The following DIS3L2 variants were observed in gnomAD, a reference collection of about 807,000 sequenced individuals.
The protein encoded by DIS3L2 is DIS3 like 3'-5' exoribonuclease 2.
DIS3L2 carries 34 observed loss-of-function variants against 97.5 expected under a neutral mutation model. The observed-to-expected ratio is 0.35, with a 90% CI of 0.27 to 0.46. The LOEUF is 0.46. Ranked by LOEUF, DIS3L2 falls within the 20% of genes least tolerant of loss-of-function variation. DIS3L2 has a pLI of 1.00. For synonymous variants in DIS3L2, 435 were observed against 445.2 expected, an observed-to-expected ratio of 0.98 and a Z score of 0.29; for missense variants, 1,038 against 1,146.0, an observed-to-expected ratio of 0.91 and a Z score of 1.36.
At chr2:232,307,496 C>T (rs1305774278) in intron 14 of DIS3L2, 1 of 149,506 alleles carries the variant, frequency 6.7e-6, no homozygotes, top group East Asian at 1.9e-4. Flanking sequence ...TAATTACAGT[C>T]ACTTACATCA....
chr2:231,979,353 C>CCTCTGCCTTTATTGGAAA (rs1693186112), intron 1 of DIS3L2, among the ~76,000 whole-genome samples: 1 of 152,046 alleles, frequency 6.6e-6, no homozygotes, highest in African/African-American at 2.4e-5. Flanking sequence ...CTCCTGGGCT[C>CCTCTGCCTTTATTGGAAA]AGGTGATCCC....
At chr2:232,141,017 C>G (rs1047697456) in intron 8 of DIS3L2, among the ~76,000 whole-genome samples, 1 of 152,132 alleles carries the variant, frequency 6.6e-6, no homozygotes, top group Non-Finnish European at 1.5e-5. Context: ...TAGTACTACA[C>G]TCTAGTCCAG....
chr2:232,032,889 T>C (rs1171758032), intron 5 of DIS3L2, among the ~76,000 whole-genome samples: 1 of 152,230 alleles, frequency 6.6e-6, no homozygotes, highest in Non-Finnish European at 1.5e-5. Flanking sequence ...TTTTTATTAC[T>C]GTAGCCTTGT....
intron 6 of DIS3L2, among the ~76,000 whole-genome samples, chr2:232,118,705 A>G (rs933044120): frequency 6.6e-6 from 1 of 152,200 alleles, no homozygotes. Context: ...AAACCTTCAG[A>G]TTTGCCAATT....
chr2:232,010,762 A>G (rs1221439281), intron 1 of DIS3L2, among the ~76,000 whole-genome samples: 1 of 152,202 alleles, frequency 6.6e-6, no homozygotes. Flanking sequence ...GGGTCCTGCA[A>G]GTGTGGGATT....
intron 11 of DIS3L2, among the ~76,000 whole-genome samples, chr2:232,248,840 T>C (rs1467922282): frequency 6.6e-6 from 1 of 152,256 alleles, no homozygotes; most frequent in Non-Finnish European, 1.5e-5. Flanking sequence ...TATTTTACTT[T>C]AACAAAACCC....
At chr2:232,084,323 G>GT (rs990437151) in intron 5 of DIS3L2, among the ~76,000 whole-genome samples, 47 of 151,650 alleles carry the variant, frequency 3.1e-4, no homozygotes, top group African/African-American at 6.3e-4. Flanking sequence ...GACCAGAAGT[G>GT]TTTTTTTTGG....
intron 6 of DIS3L2, among the ~76,000 whole-genome samples, chr2:232,126,539 G>A (rs542694905): frequency 4.1e-4 from 63 of 152,324 alleles, no homozygotes; most frequent in African/African-American, 1.4e-3. Context: ...CAGCCCGCAG[G>A]ATTGAGAAGA....
At chr2:231,966,837 T>TG (rs1420265984) in intron 1 of DIS3L2, among the ~76,000 whole-genome samples, 1 of 151,822 alleles carries the variant, frequency 6.6e-6, no homozygotes, top group African/African-American at 2.4e-5. Context: ...GGTGGTAGAA[T>TG]GGCAGAAGAT....
intron 12 of DIS3L2, among the ~76,000 whole-genome samples, chr2:232,254,451 A>C (rs928488745): frequency 6.6e-6 from 1 of 152,086 alleles, no homozygotes; most frequent in African/African-American, 2.4e-5. Flanking sequence ...TGGGTAGTAA[A>C]ACTATGAGTA....
chr2:232,285,898 T>G (rs1488452306), intron 13 of DIS3L2, among the ~76,000 whole-genome samples: 1 of 152,228 alleles, frequency 6.6e-6, no homozygotes, highest in African/African-American at 2.4e-5. Flanking sequence ...CTGGGGTTTC[T>G]CTACAGGGAC....
intron 14 of DIS3L2, among the ~76,000 whole-genome samples, chr2:232,311,159 G>A (rs1165668206): frequency 6.6e-6 from 1 of 152,200 alleles, no homozygotes; most frequent in African/African-American, 2.4e-5. Context: ...CAAGGAAATG[G>A]GGGAGCCGCA....
intron 14 of DIS3L2, among the ~76,000 whole-genome samples, chr2:232,308,959 G>A (rs558211810): frequency 1.7e-4 from 26 of 152,320 alleles, no homozygotes; most frequent in Non-Finnish European, 3.4e-4. Flanking sequence ...CCCCAAGCAG[G>A]ATTAATGTAC....
chr2:232,142,164 T>C (rs1315689308), intron 8 of DIS3L2, among the ~76,000 whole-genome samples: 1 of 152,142 alleles, frequency 6.6e-6, no homozygotes, highest in Non-Finnish European at 1.5e-5. Flanking sequence ...TATGTTCTTT[T>C]CAAGGGGTAT....
chr2:232,281,250 T>G lies in DIS3L2; in HGVS notation c.1659+17810T>G, dbSNP rs1162719476. ...CCATCTCTACTAAAAATACAAAAAA[T>G]TAGCCGGGCGTGGTGGCGGGCGCCT... On this transcript the variant is annotated intron_variant, in intron 13 of 20. Transcript: ENST00000325385. The surrounding 1 kb of genome is among the most constrained non-coding windows in gnomAD (Gnocchi z 4.1). Among the ~76,000 whole-genome samples the G allele has an allele frequency of 6.6e-6, 1 of 152,038 alleles. No individual in the cohort carries two copies. The highest frequency in any genetic ancestry group is 2.1e-4 in the South Asian group (1 of 4,824).
chr2:232,095,610 G>A (rs1696981728), intron 6 of DIS3L2, among the ~76,000 whole-genome samples: 1 of 152,154 alleles, frequency 6.6e-6, no homozygotes, highest in East Asian at 1.9e-4. Context: ...AAGTTACAGT[G>A]TTATAATATT....
chr2:232,330,560 A>G, intron 15 of DIS3L2, 130 bp from the exon 16 acceptor site: 2 of 877,234 alleles, frequency 2.3e-6, no homozygotes, highest in East Asian at 2.5e-5. Flanking sequence ...ATCCCCTCTG[A>G]GCAGGGCTGA....
intron 5 of DIS3L2, among the ~76,000 whole-genome samples, chr2:232,079,532 G>A (rs1245600786): frequency 7.4e-5 from 11 of 148,532 alleles, no homozygotes; most frequent in Admixed American, 2.0e-4. Flanking sequence ...CCGGGGAGGC[G>A]GAGCTTGCAG....
exon 14 of DIS3L2, chr2:232,343,815 C>A: frequency 2.1e-6 from 1 of 469,772 alleles, no homozygotes; most frequent in South Asian, 3.2e-5. Context: ...CATTCCAATA[C>A]CCAATCTTTT....
Sources: allele counts gnomAD v4.1 joint callset (sites outside exome capture counted in the v4.1 genomes callset), GRCh38; gene constraint gnomAD v4.1.1; non-coding constraint Gnocchi (gnomAD v3.1); transcripts MANE v1.5; gene names NCBI Gene and HGNC (gene_info 2026-07-23, HGNC 2026-07-21).